Variants in SAMD8 observed in about 807,000 individuals in gnomAD.
SAMD8 encodes sphingomyelin synthase-related protein 1.
A neutral mutation model predicts 42.0 loss-of-function variants in SAMD8; 20 were observed. The observed-to-expected ratio is 0.48, with a 90% confidence interval of 0.34 to 0.69. The LOEUF (loss-of-function observed/expected upper bound fraction) is 0.69. SAMD8 is among the 30% of genes least tolerant of loss of function. SAMD8 has a pLI of 0.01. For synonymous variants in SAMD8, 162 were observed against 173.0 expected (o/e 0.94, Z 0.50); for missense variants, 328 against 511.6 (o/e 0.64, Z 3.46).
At chr10:75,153,273 C>T (rs555725070) in intron 2 of SAMD8, among the ~76,000 whole-genome samples, 13 of 152,148 alleles carry the variant, frequency 8.5e-5, no homozygotes, top group African/African-American at 2.2e-4. Context: ...TGAGCCACTG[C>T]GCTTGGCCCC....
upstream of SAMD8, chr10:75,108,001 T>C (rs1363511682): frequency 6.2e-7 from 1 of 1,612,200 alleles, no homozygotes; most frequent in Non-Finnish European, 8.5e-7. Context: ...CCCCCAGGCG[T>C]GTTGAGGGCA....
chr10:75,152,214 T>C (rs1840305756), intron 2 of SAMD8, among the ~76,000 whole-genome samples: 1 of 151,978 alleles, frequency 6.6e-6, no homozygotes. Flanking sequence ...ATGTAGTATA[T>C]GTGTAACATA....
rs138813319 is a variant in SAMD8 at position 75,166,502 on chromosome 10, G to A, written c.674+1762G>A. Among the ~76,000 whole-genome samples, 676 of 152,232 alleles carry A rather than the reference G, an allele frequency of 4.4e-3. 1 individual carries two copies. Among genetic ancestry groups the A allele is most frequent in the South Asian group, 0.019 (90 of 4,816 alleles). ...TTTTGACCTTTCTCCTCACCAGGAA[G>A]TGCTTGAGGTAAACCACAGTGATGA... On this transcript the variant is annotated intron_variant, in intron 3 of 5. Coordinates refer to ENST00000542569, the MANE Select transcript of SAMD8 (RefSeq NM_001174156.2).
At chr10:75,170,249 T>C (rs996195873) in intron 4 of SAMD8, among the ~76,000 whole-genome samples, 2 of 152,248 alleles carry the variant, frequency 1.3e-5, no homozygotes, top group African/African-American at 4.8e-5. Context: ...AATTCTGTGT[T>C]CTCACATATT....
upstream of SAMD8, among the ~76,000 whole-genome samples, chr10:75,107,704 G>A (rs1401848673): frequency 2.0e-5 from 3 of 152,156 alleles, no homozygotes; most frequent in Non-Finnish European, 4.4e-5. Context: ...AGCCTCCAGA[G>A]TAGCTGAGAT....
Position 75,150,497 on chromosome 10 carries a change from C to G in SAMD8, c.-15-17C>G. ...ATACTGAAGCTTTTGTTTTGTTTTC[C>G]TGTTTTCTCTCTACAGGCAGCGGAG... On this transcript the variant is annotated splice_polypyrimidine_tract_variant and intron_variant, in intron 1 of 5. Coordinates refer to ENST00000542569, the MANE Select transcript of SAMD8 (RefSeq NM_001174156.2). 1 of 1,571,336 alleles carries G rather than the reference C, an allele frequency of 6.4e-7. No homozygotes were observed. The highest frequency in any genetic ancestry group is 8.6e-7 in the Non-Finnish European group (1 of 1,163,604).
At chr10:75,108,989 C>T (rs1848691149), upstream of SAMD8, 1 of 1,589,482 alleles carries the variant, frequency 6.3e-7, no homozygotes, top group African/African-American at 1.3e-5. Flanking sequence ...CCCCATGCCC[C>T]TTGGCCAGCT....
intron 1 of SAMD8, among the ~76,000 whole-genome samples, chr10:75,143,362 T>C (rs1840065407): frequency 6.6e-6 from 1 of 152,216 alleles, no homozygotes; most frequent in South Asian, 2.1e-4. Context: ...TATTTATGCA[T>C]GTGGCTACCA....
At chr10:75,166,073 G>A (rs1181646771) in intron 3 of SAMD8, among the ~76,000 whole-genome samples, 2 of 151,446 alleles carry the variant, frequency 1.3e-5, no homozygotes. Flanking sequence ...TTGCTAAATT[G>A]GAAAGTGTGT....
At chr10:75,168,004 CT>C (rs977584576) in intron 3 of SAMD8, among the ~76,000 whole-genome samples, 3 of 151,428 alleles carry the variant, frequency 2.0e-5, no homozygotes, top group Admixed American at 6.6e-5. Flanking sequence ...GCCATATTTT[CT>C]TTTTTTTTGA....
At chr10:75,144,177 C>G (rs1840084550) in intron 1 of SAMD8, among the ~76,000 whole-genome samples, 1 of 134,434 alleles carries the variant, frequency 7.4e-6, no homozygotes, top group Non-Finnish European at 1.5e-5. Context: ...ACAGTGTTAG[C>G]CAGGATGGTC....
At position 75,176,883 on chromosome 10, in the gene SAMD8, G is replaced by T; in HGVS notation, c.*191G>T. ...ATCAAGAGTCCTTATGTAGCTATTTGAACAGAAAGCTTAAGTAGATGTTTT... is the reference window on the plus strand; with the variant it reads ...ATCAAGAGTCCTTATGTAGCTATTTTAACAGAAAGCTTAAGTAGATGTTTT... On this transcript the variant is annotated 3_prime_UTR_variant, in exon 6 of 6. Transcript: ENST00000542569. This position sits in a 1 kb window ranked among gnomAD's most constrained non-coding sequence, Gnocchi z 4.3. 1 of 538,168 alleles carries T rather than the reference G, an allele frequency of 1.9e-6. No individual in the cohort carries two copies. Among genetic ancestry groups the T allele is most frequent in the Admixed American group, 3.6e-5 (1 of 27,622 alleles). 33.3% of individuals were successfully genotyped at this position (538,168 alleles called of 1,614,324 possible). A position where few individuals can be genotyped will look rare whatever the true frequency, so the allele number is the denominator to read the frequency against.
chr10:75,135,323 C>T (rs1345906570), intron 1 of SAMD8, among the ~76,000 whole-genome samples: 1 of 151,548 alleles, frequency 6.6e-6, no homozygotes, highest in Non-Finnish European at 1.5e-5. Context: ...AGTGGTGGTG[C>T]ATGCCTGTAA....
chr10:75,101,831 C>T (rs374777460), intron 1 of SAMD8: 2 of 1,347,764 alleles, frequency 1.5e-6, no homozygotes, highest in Non-Finnish European at 2.0e-6. Context: ...TCAGGGACCA[C>T]ATCCTACCCC....
At chr10:75,108,077 T>C (rs376483770), upstream of SAMD8, 1 of 1,613,830 alleles carries the variant, frequency 6.2e-7, no homozygotes, top group African/African-American at 1.3e-5. Context: ...GGTCGTGGGC[T>C]GGCACCCCCA....
In SAMD8 at chr10:75,158,237, AAAAC is replaced by A. The variant is rs1160671381; in HGVS notation, c.579-6404_579-6401del. Among the ~76,000 whole-genome samples the A allele has an allele frequency of 3.3e-5, 5 of 152,140 alleles. No homozygotes were observed. In the South Asian group the frequency reaches 6.2e-4, roughly 19 times the overall value. ...TAATAAAAAACAAGCAAAAAATAAA[AAAAC>A]AAAGCATAGTGGGAGAGCAGGAAAT... On this transcript the variant is annotated intron_variant, in intron 2 of 5. Transcript: ENST00000542569.
intron 2 of SAMD8, among the ~76,000 whole-genome samples, chr10:75,159,473 T>C (rs1488485748): frequency 6.6e-6 from 1 of 152,184 alleles, no homozygotes; most frequent in Non-Finnish European, 1.5e-5. Context: ...ACTTTATTCA[T>C]AGGAGAATGG....
chr10:75,134,337 TTAAAA>T (rs1849338688), intron 1 of SAMD8, among the ~76,000 whole-genome samples: 3 of 152,084 alleles, frequency 2.0e-5, no homozygotes, highest in Admixed American at 2.0e-4. Flanking sequence ...ATCCCGGAAT[TTAAAA>T]TAAAATAACA....
At chr10:75,121,731 G>T (rs1418068108) in intron 1 of SAMD8, among the ~76,000 whole-genome samples, 2 of 151,116 alleles carry the variant, frequency 1.3e-5, no homozygotes, top group Non-Finnish European at 2.9e-5. Context: ...TCACTTTGTC[G>T]CCCAGGCTGG....
Sources: allele counts gnomAD v4.1 joint callset (sites outside exome capture counted in the v4.1 genomes callset), GRCh38; gene constraint gnomAD v4.1.1; non-coding constraint Gnocchi (gnomAD v3.1); transcripts MANE v1.5; gene names NCBI Gene and HGNC (gene_info 2026-07-23, HGNC 2026-07-21).